The following EFTUD2 variants were observed in gnomAD, a reference collection of about 807,000 sequenced individuals.
EFTUD2 encodes the protein elongation factor Tu GTP binding domain containing 2.
A neutral mutation model predicts 114.3 loss-of-function variants in EFTUD2; 9 were observed. That is an observed-to-expected ratio of 0.08 (90% CI 0.05 to 0.14). The LOEUF is 0.14. Ranked by LOEUF, EFTUD2 falls within the 10% of genes least tolerant of loss-of-function variation. The pLI is 1.00. For synonymous variants in EFTUD2, 449 were observed against 462.3 expected (o/e 0.97, Z 0.37); for missense variants, 765 against 1,241.2 (o/e 0.62, Z 5.76).
chr17:44,889,102 T>A (rs899809047), intron 2 of EFTUD2, among the ~76,000 whole-genome samples: 1 of 151,970 alleles, frequency 6.6e-6, no homozygotes, highest in Non-Finnish European at 1.5e-5. Flanking sequence ...AAACCAGGGG[T>A]TCTCTGAAAG....
rs919517965 is a variant in EFTUD2 at position 44,851,943 on chromosome 17, G to A, written c.2716-126C>T. The A allele has an allele frequency of 5.7e-6, 5 of 874,698 alleles. No homozygotes were observed. The African/African-American group carries it at 8.8e-5, about 15-fold the overall frequency. 54.2% of individuals were successfully genotyped at this position (874,698 alleles called of 1,614,324 possible). On this transcript the variant is annotated intron_variant, in intron 26 of 27. Coordinates refer to ENST00000426333, the MANE Select transcript of EFTUD2 (RefSeq NM_004247.4). ...CTTATTATTATTTTTTTGAGATGGA[G>A]TTTCGCTCTTGTCTCCCAGGCTGGA...
At chr17:44,864,622 C>T (rs929772839) in intron 14 of EFTUD2, among the ~76,000 whole-genome samples, 5 of 152,208 alleles carry the variant, frequency 3.3e-5, no homozygotes, top group African/African-American at 1.2e-4. Context: ...ACTACCCAAG[C>T]ATCCACCTTC....
At chr17:44,859,529 G>A (rs997712448) in intron 18 of EFTUD2, 48 of 499,670 alleles carry the variant, frequency 9.6e-5, no homozygotes, top group Non-Finnish European at 3.3e-5. Flanking sequence ...TAGTGTACAA[G>A]GATCAGAGTA....
At chr17:44,868,187 AAAGT>A in intron 12 of EFTUD2, 96 bp downstream of exon 12, 1 of 1,170,582 alleles carries the variant, frequency 8.5e-7, no homozygotes, top group Non-Finnish European at 1.2e-6. Context: ...AAAAAAAAAA[AAAGT>A]AGGTATTTAA....
At chr17:44,864,879 G>A in intron 14 of EFTUD2, 51 bp downstream of exon 14, 1 of 1,591,320 alleles carries the variant, frequency 6.3e-7, no homozygotes, top group East Asian at 2.3e-5. Flanking sequence ...TGTGATACCT[G>A]TGGCAGGGCA....
At chr17:44,886,461 C>T (rs1567752254) in intron 3 of EFTUD2, 124 bp downstream of exon 3, 3 of 1,475,384 alleles carry the variant, frequency 2.0e-6, no homozygotes, top group Non-Finnish European at 2.7e-6. Context: ...AAACCAGAAA[C>T]AGTACCTGAA....
At chr17:44,852,621 C>G (rs1486580713) in intron 25 of EFTUD2, 59 bp from the exon 26 acceptor site, 1 of 1,587,936 alleles carries the variant, frequency 6.3e-7, no homozygotes, top group East Asian at 2.2e-5. Flanking sequence ...AGCCAAGAAG[C>G]AATCCAGCAT....
At chr17:44,851,660 T>G in intron 27 of EFTUD2, 50 bp downstream of exon 27, 8 of 1,482,354 alleles carry the variant, frequency 5.4e-6, no homozygotes, top group Non-Finnish European at 6.3e-6. Flanking sequence ...ATCCTGCTTC[T>G]GAGAGTCCTG....
intron 10 of EFTUD2, 149 bp downstream of exon 10, chr17:44,875,785 C>G: frequency 1.2e-6 from 1 of 834,020 alleles, no homozygotes; most frequent in East Asian, 2.5e-5. Flanking sequence ...TGAAGTCAAC[C>G]CCTGCAGAGT....
chr17:44,883,789 AAGGTGTTTC>A, intron 4 of EFTUD2, 65 bp from the exon 5 acceptor site: 2 of 1,534,578 alleles, frequency 1.3e-6, no homozygotes, highest in Non-Finnish European at 1.8e-6. Flanking sequence ...GAGTGGTGTA[AAGGTGTTTC>A]AGGTATTTTT....
intron 16 of EFTUD2, 105 bp from the exon 17 acceptor site, chr17:44,860,648 G>C (rs1597795850): frequency 1.4e-6 from 1 of 704,242 alleles, no homozygotes; most frequent in East Asian, 2.7e-5. Flanking sequence ...TACCAGGCTG[G>C]AGTGCAGTGG....
At chr17:44,852,697 T>C (rs2050476646) in intron 25 of EFTUD2, 135 bp from the exon 26 acceptor site, 1 of 1,162,088 alleles carries the variant, frequency 8.6e-7, no homozygotes, top group Admixed American at 2.8e-5. Flanking sequence ...AAGAATGTTC[T>C]ACAAAAAGCA....
intron 13 of EFTUD2, among the ~76,000 whole-genome samples, chr17:44,867,277 T>C (rs561001507): frequency 6.6e-5 from 10 of 151,540 alleles, no homozygotes; most frequent in African/African-American, 1.9e-4. Flanking sequence ...TTTTCTTTCA[T>C]ACCTTTTCCC....
At chr17:44,856,349 C>T (rs1160608544) in intron 20 of EFTUD2, among the ~76,000 whole-genome samples, 3 of 150,084 alleles carry the variant, frequency 2.0e-5, no homozygotes, top group South Asian at 2.1e-4. Flanking sequence ...GGCAACATGG[C>T]GAAACCCCAC....
intron 9 of EFTUD2, among the ~76,000 whole-genome samples, chr17:44,877,508 A>G (rs1597812946): frequency 6.6e-6 from 1 of 152,316 alleles, no homozygotes; most frequent in South Asian, 2.1e-4. Flanking sequence ...TCTTTACAAC[A>G]TAATTCCAAC....
chr17:44,874,190 T>C (rs182104334), intron 10 of EFTUD2, among the ~76,000 whole-genome samples: 1 of 151,914 alleles, frequency 6.6e-6, no homozygotes, highest in African/African-American at 2.4e-5. Context: ...TACAAACACA[T>C]GCCAGCACGC....
chr17:44,854,493 T>C lies in EFTUD2; in HGVS notation c.2259+63A>G. On this transcript the variant is annotated intron_variant, in intron 22 of 27. Coordinates refer to ENST00000426333, the MANE Select transcript of EFTUD2 (RefSeq NM_004247.4). This position sits in a 1 kb window ranked among gnomAD's most constrained non-coding sequence, Gnocchi z 4.3. ...AAGATACTTTTGGGAAAAGAACACT[T>C]TGTAGTTTCTTCCACTCCAGAGGTA... 6.3e-7 allele frequency: 1 copy of C among 1,587,250 alleles called. No homozygotes were observed. The highest frequency in any genetic ancestry group is 8.6e-7 in the Non-Finnish European group (1 of 1,164,744).
intron 16 of EFTUD2, 114 bp from the exon 17 acceptor site, chr17:44,860,657 G>C: frequency 1.5e-6 from 1 of 675,484 alleles, no homozygotes; most frequent in Non-Finnish European, 2.5e-6. Context: ...GGAGTGCAGT[G>C]GCACAATCTT....
chr17:44,872,620 C>T (rs375278469), intron 10 of EFTUD2, 50 bp from the exon 11 acceptor site: 86 of 1,536,384 alleles, frequency 5.6e-5, no homozygotes, highest in Middle Eastern at 2.2e-4. Flanking sequence ...GCAGCCCGGA[C>T]GCACTGCCAA....
Sources: allele counts gnomAD v4.1 joint callset (sites outside exome capture counted in the v4.1 genomes callset), GRCh38; gene constraint gnomAD v4.1.1; non-coding constraint Gnocchi (gnomAD v3.1); transcripts MANE v1.5; gene names NCBI Gene and HGNC (gene_info 2026-07-23, HGNC 2026-07-21).